Variants in CELF4 observed in about 807,000 individuals in gnomAD.
CELF4 encodes CUGBP Elav-like family member 4.
CELF4 carries 18 observed loss-of-function variants against 59.9 expected under a neutral mutation model. The ratio of observed to expected loss-of-function variants is 0.30; its 90% CI spans 0.21 to 0.45. The LOEUF is 0.45. Ranked by LOEUF, CELF4 falls within the 20% of genes least tolerant of loss-of-function variation. CELF4 has a pLI of 1.00. For synonymous variants in CELF4, 261 were observed against 267.1 expected (o/e 0.98, Z 0.22); for missense variants, 456 against 689.0 (o/e 0.66, Z 3.79).
At chr18:37,515,997 GGAGT>G (rs1235076983) in intron 1 of CELF4, among the ~76,000 whole-genome samples, 2 of 152,144 alleles carry the variant, frequency 1.3e-5, no homozygotes, top group South Asian at 2.1e-4. Context: ...GCACTTTGGT[GGAGT>G]GAGTGAGTGA....
At chr18:37,554,804 C>T (rs1047969890) in intron 1 of CELF4, among the ~76,000 whole-genome samples, 5 of 152,280 alleles carry the variant, frequency 3.3e-5, no homozygotes, top group South Asian at 2.1e-4. Context: ...GGGCCAGGGA[C>T]GTCCTGAGAC....
intron 2 of CELF4, among the ~76,000 whole-genome samples, chr18:37,358,070 G>A (rs948383804): frequency 2.0e-5 from 3 of 152,138 alleles, no homozygotes; most frequent in Non-Finnish European, 4.4e-5. Context: ...AGACTTTGGG[G>A]GACTGTTGGG....
chr18:37,327,762 C>A (rs1263535384), intron 2 of CELF4, among the ~76,000 whole-genome samples: 1 of 152,200 alleles, frequency 6.6e-6, no homozygotes. Context: ...CTCCTCAGAG[C>A]TGGCCTCTTG....
chr18:37,557,573 G>C (rs1018854269), intron 1 of CELF4, among the ~76,000 whole-genome samples: 13 of 152,206 alleles, frequency 8.5e-5, no homozygotes, highest in African/African-American at 3.1e-4. Flanking sequence ...AGAAACCTTT[G>C]ATCTGTAGCC....
chr18:37,490,445 GCCCGA>G (rs2099898078), intron 1 of CELF4, among the ~76,000 whole-genome samples: 2 of 152,182 alleles, frequency 1.3e-5, no homozygotes, highest in South Asian at 4.1e-4. Flanking sequence ...GAATAGGTGA[GCCCGA>G]CAGGATGCAG....
Position 37,259,164 on chromosome 18 carries a change from C to T in CELF4, c.1333+17G>A, listed in dbSNP as rs1234144617. 4.3e-6 allele frequency: 7 copies of T among 1,613,412 alleles called. No homozygotes were observed. In the South Asian group the frequency reaches 4.4e-5, roughly 10 times the overall value. On this transcript the variant is annotated intron_variant, in intron 11 of 12. Coordinates refer to ENST00000420428, the MANE Select transcript of CELF4 (RefSeq NM_020180.4). ...TAGTCGCCCGATCCACAAACACTTT[C>T]GAGGAGATGACATTACCGAAAGGGA...
At position 37,254,679 on chromosome 18, in the gene CELF4, A is replaced by G. The variant is rs141308880; in HGVS notation, c.1334-741T>C. On this transcript the variant is annotated intron_variant, in intron 11 of 12. Transcript: ENST00000420428. This position sits in a 1 kb window ranked among gnomAD's most constrained non-coding sequence, Gnocchi z 5.1. ...TATGTCCATAACAAGTCACAAGACCATCAGTGCAAATCAGGCCACAGCCCT... is the reference window on the plus strand; with the variant it reads ...TATGTCCATAACAAGTCACAAGACCGTCAGTGCAAATCAGGCCACAGCCCT... Among the ~76,000 whole-genome samples, 40 of 152,372 alleles carry G rather than the reference A, an allele frequency of 2.6e-4. No homozygotes were observed. The East Asian group carries it at 7.5e-3, about 29-fold the overall frequency.
chr18:37,525,781 A>T (rs1250062392), intron 1 of CELF4, among the ~76,000 whole-genome samples: 1 of 152,120 alleles, frequency 6.6e-6, no homozygotes, highest in East Asian at 1.9e-4. Flanking sequence ...TTAAAGAAGG[A>T]TCCTGCATTT....
At position 37,368,467 on chromosome 18, in the gene CELF4, C is replaced by T. The variant is rs150887376; in HGVS notation, c.370-46586G>A. Among the ~76,000 whole-genome samples, 407 of 152,302 alleles carry T rather than the reference C, an allele frequency of 2.7e-3. 2 individuals carry two copies. The highest frequency in any genetic ancestry group is 0.014 in the Middle Eastern group (4 of 294). On this transcript the variant is annotated intron_variant, in intron 2 of 12. Transcript: ENST00000420428. ...GGTAGGGAGGGCACTGTCTCCCTCC[C>T]GCTTGGTTCCTGGCTGGCCTCCCCT...
chr18:37,450,293 T>C (rs770390713), intron 2 of CELF4, among the ~76,000 whole-genome samples: 1 of 151,840 alleles, frequency 6.6e-6, no homozygotes. Flanking sequence ...CCATTGTGGC[T>C]GGAAAAAAAC....
At chr18:37,444,940 G>A (rs971441291) in intron 2 of CELF4, among the ~76,000 whole-genome samples, 4 of 152,144 alleles carry the variant, frequency 2.6e-5, no homozygotes, top group Non-Finnish European at 5.9e-5. Context: ...TGCGTGACGC[G>A]GGCTCCTGGG....
At chr18:37,535,293 C>T (rs1054067983) in intron 1 of CELF4, among the ~76,000 whole-genome samples, 5 of 152,122 alleles carry the variant, frequency 3.3e-5, no homozygotes, top group Admixed American at 1.3e-4. Flanking sequence ...ACCTTATTGG[C>T]GTTATTTATT....
At chr18:37,544,109 C>T (rs924229750) in intron 1 of CELF4, among the ~76,000 whole-genome samples, 6 of 148,420 alleles carry the variant, frequency 4.0e-5, no homozygotes, top group African/African-American at 1.2e-4. Context: ...AGGGCAAGGG[C>T]GGCAAGGCCA....
intron 6 of CELF4, 100 bp from the exon 7 acceptor site, chr18:37,273,263 C>T: frequency 6.7e-7 from 1 of 1,483,494 alleles, no homozygotes; most frequent in East Asian, 2.4e-5. Flanking sequence ...AGGCTCTGAG[C>T]CCCAGAAGCT....
chr18:37,470,332 T>C (rs1254152915), intron 2 of CELF4, among the ~76,000 whole-genome samples: 1 of 152,174 alleles, frequency 6.6e-6, no homozygotes, highest in African/African-American at 2.4e-5. Context: ...TTTGCATCTG[T>C]TCATTAAAGC....
chr18:37,484,677 G>A (rs1428466586), intron 2 of CELF4, among the ~76,000 whole-genome samples: 1 of 152,190 alleles, frequency 6.6e-6, no homozygotes, highest in East Asian at 1.9e-4. Flanking sequence ...CCCGCTGTGG[G>A]GTAGAAATGG....
At chr18:37,311,234 G>A (rs1292888655) in intron 3 of CELF4, among the ~76,000 whole-genome samples, 1 of 152,116 alleles carries the variant, frequency 6.6e-6, no homozygotes, top group East Asian at 1.9e-4. Flanking sequence ...AATTCAGCAG[G>A]TTTGCAGTTA....
chr18:37,526,405 A>C (rs1365796557), intron 1 of CELF4, among the ~76,000 whole-genome samples: 1 of 152,090 alleles, frequency 6.6e-6, no homozygotes, highest in Non-Finnish European at 1.5e-5. Context: ...CATTTGTCTC[A>C]AGGTATTTTC....
intron 3 of CELF4, among the ~76,000 whole-genome samples, chr18:37,284,306 A>G (rs2094517983): frequency 6.6e-6 from 1 of 151,564 alleles, no homozygotes; most frequent in Non-Finnish European, 1.5e-5. Context: ...ACCCCAATGC[A>G]CATACACACA....
Sources: allele counts gnomAD v4.1 joint callset (sites outside exome capture counted in the v4.1 genomes callset), GRCh38; gene constraint gnomAD v4.1.1; non-coding constraint Gnocchi (gnomAD v3.1); transcripts MANE v1.5; gene names NCBI Gene and HGNC (gene_info 2026-07-23, HGNC 2026-07-21).